The following JMJD1C variants were observed in gnomAD, a reference collection of about 807,000 sequenced individuals.
JMJD1C encodes jumonji domain containing 1C.
JMJD1C carries 31 observed loss-of-function variants against 245.3 expected under a neutral mutation model. That is an observed-to-expected ratio of 0.13 (90% CI 0.09 to 0.17). The LOEUF is 0.17. Ranked by LOEUF, JMJD1C falls within the 10% of genes least tolerant of loss-of-function variation. JMJD1C has a pLI of 1.00. For synonymous variants in JMJD1C, 1,057 were observed against 1,017.4 expected (o/e 1.04, Z -0.74); for missense variants, 2,691 against 3,000.2 (o/e 0.90, Z 2.41).
chr10:63,357,831 ACAC>A (rs1944986757), intron 2 of JMJD1C, among the ~76,000 whole-genome samples: 1 of 22,078 alleles, frequency 4.5e-5, no homozygotes, highest in Non-Finnish European at 1.8e-4. Context: ...AGACAGACAC[ACAC>A]ACACACACAC....
At chr10:63,503,286 G>C (rs763582722) in intron 1 of JMJD1C, among the ~76,000 whole-genome samples, 1 of 152,188 alleles carries the variant, frequency 6.6e-6, no homozygotes, top group Non-Finnish European at 1.5e-5. Flanking sequence ...GGGGCTTTTA[G>C]TTCAACTTAG....
intron 1 of JMJD1C, among the ~76,000 whole-genome samples, chr10:63,424,228 C>CT (rs5785572): frequency 2.2e-3 from 307 of 139,776 alleles, no homozygotes; most frequent in African/African-American, 5.7e-3. Flanking sequence ...CCATACCCAG[C>CT]TTTTTTTTTT....
chr10:63,445,330 A>C (rs1589761557), intron 1 of JMJD1C, among the ~76,000 whole-genome samples: 1 of 152,356 alleles, frequency 6.6e-6, no homozygotes, highest in Non-Finnish European at 1.5e-5. Context: ...ATTTTAGATA[A>C]GGTAGTCTTC....
Position 63,392,875 on chromosome 10 carries a change from C to CACAA in JMJD1C, c.169-12394_169-12393insTTGT, listed in dbSNP as rs564338841. ...GGGCAAAAAAGTACATAAACACACA[C>CACAA]ACACACACACACACACACACACACA... On this transcript the variant is annotated intron_variant, in intron 1 of 25. Transcript: ENST00000399262. 6.5e-3 allele frequency among the ~76,000 whole-genome samples: 855 copies of CACAA among 130,620 alleles called. 7 individuals are homozygous for CACAA. Among genetic ancestry groups the CACAA allele is most frequent in the East Asian group, 0.038 (120 of 3,134 alleles). The allele number at this position is 130,620 out of a possible 152,430, so 85.7% of individuals were successfully genotyped here.
intron 2 of JMJD1C, among the ~76,000 whole-genome samples, chr10:63,312,045 TAGTA>T (rs1318478583): frequency 6.6e-6 from 1 of 150,532 alleles, no homozygotes; most frequent in African/African-American, 2.4e-5. Context: ...AAATTCTTCA[TAGTA>T]AGTAATACTT....
At chr10:63,276,023 T>C (rs1213891817) in intron 2 of JMJD1C, among the ~76,000 whole-genome samples, 5 of 152,226 alleles carry the variant, frequency 3.3e-5, no homozygotes, top group Non-Finnish European at 7.3e-5. Flanking sequence ...AATTTTGTAT[T>C]ATAAACAATA....
intron 1 of JMJD1C, among the ~76,000 whole-genome samples, chr10:63,486,539 T>G (rs1288286443): frequency 6.6e-6 from 1 of 152,142 alleles, no homozygotes; most frequent in Non-Finnish European, 1.5e-5. Flanking sequence ...TTCCTGTAAC[T>G]TTAATCCTTC....
chr10:63,202,484 G>T (rs377728746), intron 10 of JMJD1C: 10 of 985,226 alleles, frequency 1.0e-5, no homozygotes, highest in Non-Finnish European at 1.2e-5. Context: ...CTGAGACTAC[G>T]TACTTCTTGC....
chr10:63,493,081 T>A (rs969813346), intron 1 of JMJD1C, among the ~76,000 whole-genome samples: 1 of 152,160 alleles, frequency 6.6e-6, no homozygotes, highest in Non-Finnish European at 1.5e-5. Context: ...TATGTTAACC[T>A]TTCCATTATC....
At chr10:63,243,126 A>ATAT (rs1564669004) in intron 3 of JMJD1C, among the ~76,000 whole-genome samples, 53 of 42,958 alleles carry the variant, frequency 1.2e-3, no homozygotes, top group Non-Finnish European at 1.2e-3. Flanking sequence ...TATATATATA[A>ATAT]ATATATATAT....
rs565274153 is a variant in JMJD1C at position 63,513,010 on chromosome 10, T to G, written n.113+8728A>C. Among the ~76,000 whole-genome samples, 10 of 152,326 alleles carry G rather than the reference T, an allele frequency of 6.6e-5. No homozygotes were observed. The South Asian group carries it at 2.1e-3, about 32-fold the overall frequency. ...AAATTCTTCATTTGTTACAATATTT[T>G]TTACTATTTTTTATTCTTTCTTAAA... On this transcript the variant is annotated intron_variant and non_coding_transcript_variant, in intron 1 of 3. Coordinates refer to the JMJD1C transcript ENST00000633035.
Position 63,206,857 on chromosome 10 carries a change from A to C in JMJD1C, c.4812T>G (p.Val1604=), listed in dbSNP as rs1207572834. ...CTTTATCATCTTTTACATATTTATC[A>C]ACTATGATCTTACTATCTACACTAT... ...IQNSVDSKII[V]DKYVKDDKVN... The change falls in exon 10 of 26, where the codon GTT becomes GTG. Residue 1604 remains valine (V), a synonymous_variant. Coordinates refer to ENST00000399262, the MANE Select transcript of JMJD1C (RefSeq NM_032776.3). 2 of 1,603,374 alleles carry C rather than the reference A, an allele frequency of 1.2e-6. No homozygotes were observed. The highest frequency in any genetic ancestry group is 1.1e-5 in the South Asian group (1 of 87,958).
At chr10:63,204,333 A>G (rs937161706) in intron 10 of JMJD1C, 10 of 985,274 alleles carry the variant, frequency 1.0e-5, no homozygotes, top group African/African-American at 3.5e-5. Flanking sequence ...TGGGGGAAAA[A>G]AAGGCACTCA....
chr10:63,454,093 T>C (rs1463824862), intron 1 of JMJD1C, among the ~76,000 whole-genome samples: 1 of 152,198 alleles, frequency 6.6e-6, no homozygotes, highest in East Asian at 1.9e-4. Context: ...TTTTTAACTT[T>C]TTAATGGTTA....
Position 63,337,598 on chromosome 10 carries a change from GAAAAGAAAAGAAAAGAAAAGAAAAGA to G in JMJD1C, c.333+42694_333+42719del, listed in dbSNP as rs1564804543. Reference sequence around the variant, plus strand: ...GAAAAGAAAAGAAAAGAAAAGAAAAGAAAAGAAAAGAAAAGAAAAGAAAAGAAAAAGAAAAGAAAAAAAATCCGCTA... The same window carrying G: ...GAAAAGAAAAGAAAAGAAAAGAAAAGAAAAGAAAAGAAAAAAAATCCGCTA... On this transcript the variant is annotated intron_variant, in intron 2 of 25. Transcript: ENST00000399262. Among the ~76,000 whole-genome samples, 115 of 104,228 alleles carry G rather than the reference GAAAAGAAAAGAAAAGAAAAGAAAAGA, an allele frequency of 1.1e-3. 6 individuals carry two copies. The highest frequency in any genetic ancestry group is 5.1e-3 in the African/African-American group (86 of 16,798). The allele number at this position is 104,228 out of a possible 152,430, so 68.4% of individuals were successfully genotyped here.
chr10:63,254,119 A>G (rs547819858), intron 3 of JMJD1C, among the ~76,000 whole-genome samples: 4 of 152,312 alleles, frequency 2.6e-5, no homozygotes, highest in Admixed American at 6.5e-5. Flanking sequence ...GCTTCATTTT[A>G]AAGTATTTTA....
At chr10:63,421,132 C>G (rs545172394) in intron 1 of JMJD1C, among the ~76,000 whole-genome samples, 4 of 152,158 alleles carry the variant, frequency 2.6e-5, no homozygotes, top group Non-Finnish European at 5.9e-5. Context: ...GTCGGGAGTT[C>G]GAGACCAGCC....
rs747004650 is a variant in JMJD1C at position 63,208,374 on chromosome 10, T to C, written c.3295A>G (p.Asn1099Asp). The C allele has an allele frequency of 4.3e-6, 7 of 1,613,764 alleles. No homozygotes were observed. The highest frequency in any genetic ancestry group is 5.9e-6 in the Non-Finnish European group (7 of 1,179,810). ...PQSNYFTTLS[N>D]SVVNEPPRSY... ...CTTGGTGGTTCATTGACCACACTATTAGACAATGTAGTGAAATAGTTACTT... is the reference window on the plus strand; with the variant it reads ...CTTGGTGGTTCATTGACCACACTATCAGACAATGTAGTGAAATAGTTACTT... The change falls in exon 10 of 26, where the codon AAT (asparagine) becomes GAT (aspartate). Residue 1099 changes from asparagine to aspartate, a missense_variant. Around this residue, in one of 9 missense-constraint regions of JMJD1C, gnomAD observed 1,562 missense variants for 1,490.7 expected, o/e 1.05. Coordinates refer to ENST00000399262, the MANE Select transcript of JMJD1C (RefSeq NM_032776.3).
intron 25 of JMJD1C, 37 bp from the exon 26 acceptor site, chr10:63,168,171 C>A (rs771645267): frequency 9.5e-6 from 13 of 1,371,758 alleles, no homozygotes; most frequent in Non-Finnish European, 1.2e-5. Context: ...CACTTCAGTT[C>A]GACAGAAATT....
Sources: gnomAD v4.1 joint callset for allele counts (sites outside exome capture counted in the v4.1 genomes callset) on GRCh38, gnomAD v4.1.1 for gene constraint, gnomAD v4.1.1 regional missense constraint, MANE v1.5 for transcripts, NCBI Gene and HGNC (gene_info 2026-07-23, HGNC 2026-07-21) for gene names.